TAGLN: variants seen among roughly 807,000 people sequenced by gnomAD.
TAGLN encodes the protein 22 kDa actin-binding protein.
In TAGLN, 16 loss-of-function variants were observed where a neutral mutation model predicts 21.9. That is an observed-to-expected ratio of 0.73 (90% CI 0.49 to 1.11). TAGLN has a LOEUF of 1.11. TAGLN is among the 50% of genes least tolerant of loss of function. The pLI is 0.00. For missense variants in TAGLN, 248 were observed against 263.2 expected, an observed-to-expected ratio of 0.94 and a Z score of 0.40; for synonymous variants, 96 against 94.9, an observed-to-expected ratio of 1.01 and a Z score of -0.06.
At position 117,205,774 on chromosome 11, in the gene TAGLN, T is replaced by C. The variant is rs1176192946; in HGVS notation, c.*1415T>C. On this transcript the variant is annotated 3_prime_UTR_variant, in exon 5 of 5. Transcript: ENST00000392951. ...GGCGCCAATCCCCTGTCCAACACCT[T>C]CTCACCAAAAGCTCCCGTTTGGCTG... 12 of 438,228 alleles carry C rather than the reference T, an allele frequency of 2.7e-5. No individual in the cohort carries two copies. Among genetic ancestry groups the C allele is most frequent in the Non-Finnish European group, 4.5e-5 (11 of 246,790 alleles). The allele number at this position is 438,228 out of a possible 1,614,324, so 27.1% of individuals were successfully genotyped here. A position where few individuals can be genotyped will look rare whatever the true frequency, so the allele number is the denominator to read the frequency against.
rs112388114 is a variant in TAGLN, at chr11:117,203,486, T to G, written c.358+2T>G. On this transcript the variant is annotated splice_donor_variant, in intron 3 of 4. Transcript: ENST00000392951. LOFTEE classifies it high-confidence loss of function. This position sits in a 1 kb window ranked among gnomAD's most constrained non-coding sequence, Gnocchi z 4.4. ...TCCAGACTGTTGACCTCTTTGAAGG[T>G]AGAGAGGAAGAGGCTGGGGGAGGAG... 6.2e-7 allele frequency: 1 copy of G among 1,612,438 alleles called. No individual in the cohort carries two copies. Among genetic ancestry groups the G allele is most frequent in the African/African-American group, 1.3e-5 (1 of 74,748 alleles).
rs1206375892 is a variant in TAGLN, at chr11:117,204,213, A to G, written c.462-2A>G. ...TCTTTATCCTGGTTCCTCCTCTTCT[A>G]GGAAAGCGCAGGAGCATAAGAGGGA... On this transcript the variant is annotated splice_acceptor_variant, in intron 4 of 4. Transcript: ENST00000392951. LOFTEE classifies it high-confidence loss of function. 6.2e-7 allele frequency: 1 copy of G among 1,614,164 alleles called. No homozygotes were observed. The highest frequency in any genetic ancestry group is 8.5e-7 in the Non-Finnish European group (1 of 1,179,998).
chr11:117,203,480 TG>T lies in TAGLN; in HGVS notation c.355del (p.Glu119LysfsTer12), dbSNP rs1472129703. ...TDMFQTVDLF[E>X]GKDMAAVQRT... ...ACATGTTCCAGACTGTTGACCTCTT[TG>T]AAGGTAGAGAGGAAGAGGCTGGGGG... On this transcript the variant is annotated frameshift_variant, in exon 3 of 5. Transcript: ENST00000392951. LOFTEE classifies it high-confidence loss of function. The surrounding 1 kb of genome is among the most constrained non-coding windows in gnomAD (Gnocchi z 4.4). 1 of 1,613,584 alleles carries T rather than the reference TG, an allele frequency of 6.2e-7. No homozygotes were observed.
chr11:117,203,734 T>C lies in TAGLN; in HGVS notation c.359-48T>C. 6.3e-7 allele frequency: 1 copy of C among 1,579,834 alleles called. No homozygotes were observed. Among genetic ancestry groups the C allele is most frequent in the East Asian group, 2.2e-5 (1 of 44,668 alleles). ...GGGGGCAGGCCCTGGCTTGGAGTCT[T>C]GTTTATACGTTCTTGATGTTCATCT... is the stretch of plus-strand genomic sequence containing the variant. On this transcript the variant is annotated intron_variant, in intron 3 of 4. Transcript: ENST00000392951. This position sits in a 1 kb window ranked among gnomAD's most constrained non-coding sequence, Gnocchi z 4.4.
At chr11:117,200,679 T>C (rs1052542380) in intron 1 of TAGLN, among the ~76,000 whole-genome samples, 17 of 152,076 alleles carry the variant, frequency 1.1e-4, no homozygotes, top group African/African-American at 3.4e-4. Flanking sequence ...TGGTGTGTGC[T>C]TCATCCCCCT....
chr11:117,204,332 C>T lies in TAGLN; in HGVS notation c.579C>T (p.Tyr193=), dbSNP rs11547377. ...CCTCCCAGGCCGGCATGACAGGCTA[C>T]GGACGACCTCGGCAGATCATCAGTT... is the stretch of plus-strand genomic sequence containing the variant. The part of the protein sequence containing the change: ...RGASQAGMTG[Y]GRPRQIIS Residue 193 remains tyrosine, a synonymous_variant, in exon 5 of 5, where the codon TAC becomes TAT. Coordinates refer to ENST00000392951, the MANE Select transcript of TAGLN (RefSeq NM_003186.5). The T allele has an allele frequency of 3.1e-3, 5,049 of 1,614,228 alleles. 87 individuals carry two copies. In the African/African-American group the frequency reaches 0.045, roughly 15 times the overall value.
Position 117,204,390 on chromosome 11 carries a change from T to G in TAGLN, c.*31T>G, listed in dbSNP as rs539235979. 16 of 1,613,840 alleles carry G rather than the reference T, an allele frequency of 9.9e-6. No homozygotes were observed. In the East Asian group the frequency reaches 3.3e-4, roughly 34 times the overall value. ...AGAGGGCTAGCCCTGAGCCCGGCCC[T>G]CCCCCAGCTCCTTGGCTGCAGCCAT... On this transcript the variant is annotated 3_prime_UTR_variant, in exon 5 of 5. Transcript: ENST00000392951.
At chr11:117,201,333 G>A (rs982381451) in intron 1 of TAGLN, 1 of 152,286 alleles carries the variant, frequency 6.6e-6, no homozygotes, top group South Asian at 2.1e-4. Context: ...GAGTCCGTGT[G>A]AACTCTGTTC....
At position 117,203,618 on chromosome 11, in the gene TAGLN, T is replaced by C. The variant is rs2031199113; in HGVS notation, c.358+134T>C. On this transcript the variant is annotated intron_variant, in intron 3 of 4. Coordinates refer to ENST00000392951, the MANE Select transcript of TAGLN (RefSeq NM_003186.5). This position sits in a 1 kb window ranked among gnomAD's most constrained non-coding sequence, Gnocchi z 4.4. Reference sequence around the variant, plus strand: ...CAGCAGGGATGGGATATGCCGAGAATAACACGCCACGCTCACAGGGCCCAC... The same window carrying C: ...CAGCAGGGATGGGATATGCCGAGAACAACACGCCACGCTCACAGGGCCCAC... 1 of 1,271,464 alleles carries C rather than the reference T, an allele frequency of 7.9e-7. No individual in the cohort carries two copies. The highest frequency in any genetic ancestry group is 2.5e-5 in the East Asian group (1 of 40,624). The allele number at this position is 1,271,464 out of a possible 1,614,324, so 78.8% of individuals were successfully genotyped here. A position where few individuals can be genotyped will look rare whatever the true frequency, so the allele number is the denominator to read the frequency against.
At chr11:117,202,656 A>G (rs2031146444) in intron 1 of TAGLN, 1 of 163,004 alleles carries the variant, frequency 6.1e-6, no homozygotes, top group African/African-American at 2.4e-5. Flanking sequence ...TTATTGGAAC[A>G]AAGCCATGTT....
At chr11:117,202,237 G>A (rs2031128031) in intron 1 of TAGLN, 1 of 152,274 alleles carries the variant, frequency 6.6e-6, no homozygotes, top group African/African-American at 2.4e-5. Flanking sequence ...TAGACCAGGT[G>A]TCTCTGATTT....
In TAGLN at chr11:117,204,609, T is replaced by C; in HGVS notation, c.*250T>C. 1 of 599,776 alleles carries C rather than the reference T, an allele frequency of 1.7e-6. No individual in the cohort carries two copies. Among genetic ancestry groups the C allele is most frequent in the East Asian group, 3.2e-5 (1 of 31,554 alleles). The allele number at this position is 599,776 out of a possible 1,614,324, so 37.2% of individuals were successfully genotyped here. A position where few individuals can be genotyped will look rare whatever the true frequency, so the allele number is the denominator to read the frequency against. On this transcript the variant is annotated 3_prime_UTR_variant, in exon 5 of 5. Transcript: ENST00000392951. ...GGCTGCCCCCATCACCTCTACTGTC[T>C]CCTCCCTGGGCTAAGCAGGGGAGAA...
rs577521682 is a variant in TAGLN at position 117,206,317 on chromosome 11, C to T, written c.*1958C>T. On this transcript the variant is annotated 3_prime_UTR_variant, in exon 5 of 5. Coordinates refer to ENST00000392951, the MANE Select transcript of TAGLN (RefSeq NM_003186.5). ...AAATATACTTCCAGCATGTAGTAAA[C>T]AGTCCAGAAGACGGTGAAACAGCCT... 5.0e-6 allele frequency: 8 copies of T among 1,613,756 alleles called. No individual in the cohort carries two copies. In the Admixed American group the frequency reaches 8.3e-5, roughly 17 times the overall value.
intron 4 of TAGLN, 39 bp from the exon 5 acceptor site, chr11:117,204,164 TGGAAAACACACA>T: frequency 6.2e-7 from 1 of 1,609,560 alleles, no homozygotes; most frequent in Non-Finnish European, 8.5e-7. Flanking sequence ...AGAAAACGGG[TGGAAAACACACA>T]GTTCTACCAA....
rs1468773560 is a variant in TAGLN at position 117,203,631 on chromosome 11, T to C, written c.358+147T>C. 5.6e-6 allele frequency: 7 copies of C among 1,251,546 alleles called. No individual in the cohort carries two copies. The highest frequency in any genetic ancestry group is 3.0e-5 in the African/African-American group (2 of 67,126). 77.5% of individuals were successfully genotyped at this position (1,251,546 alleles called of 1,614,324 possible). A position where few individuals can be genotyped will look rare whatever the true frequency, so the allele number is the denominator to read the frequency against. On this transcript the variant is annotated intron_variant, in intron 3 of 4. Transcript: ENST00000392951. The surrounding 1 kb of genome is among the most constrained non-coding windows in gnomAD (Gnocchi z 4.4). ...ATATGCCGAGAATAACACGCCACGC[T>C]CACAGGGCCCACTGAGAGGCCTCCC...
Position 117,204,536 on chromosome 11 carries a change from A to T in TAGLN, c.*177A>T, listed in dbSNP as rs1311767690. The T allele has an allele frequency of 1.0e-6, 1 of 964,892 alleles. No homozygotes were observed. Among genetic ancestry groups the T allele is most frequent in the African/African-American group, 1.6e-5 (1 of 62,118 alleles). 59.8% of individuals were successfully genotyped at this position (964,892 alleles called of 1,614,324 possible). A position where few individuals can be genotyped will look rare whatever the true frequency, so the allele number is the denominator to read the frequency against. Reference sequence around the variant, plus strand: ...AGCTCCTCCCTGTGCCCCCAGCCTCAGCCCAACTTCTTACCCGAAAGCATC... The same window carrying T: ...AGCTCCTCCCTGTGCCCCCAGCCTCTGCCCAACTTCTTACCCGAAAGCATC... On this transcript the variant is annotated 3_prime_UTR_variant, in exon 5 of 5. Transcript: ENST00000392951.
In TAGLN at chr11:117,203,709, G is replaced by T; in HGVS notation, c.359-73G>T. ...GTTTGGCCATTTTTTTGTGAGAGACGGGGGCAGGCCCTGGCTTGGAGTCTT... is the reference window on the plus strand; with the variant it reads ...GTTTGGCCATTTTTTTGTGAGAGACTGGGGCAGGCCCTGGCTTGGAGTCTT... On this transcript the variant is annotated intron_variant, in intron 3 of 4. Transcript: ENST00000392951. The surrounding 1 kb of genome is among the most constrained non-coding windows in gnomAD (Gnocchi z 4.4). 1 of 1,492,538 alleles carries T rather than the reference G, an allele frequency of 6.7e-7. No individual in the cohort carries two copies. 92.5% of individuals were successfully genotyped at this position (1,492,538 alleles called of 1,614,324 possible).
intron 4 of TAGLN, 141 bp from the exon 5 acceptor site, chr11:117,204,074 G>C: frequency 7.6e-7 from 1 of 1,316,330 alleles, no homozygotes; most frequent in South Asian, 1.4e-5. Context: ...AGTCTCCCTA[G>C]CCTATGAGGC....
Position 117,204,362 on chromosome 11 carries a change from CG to C in TAGLN, c.*5del, listed in dbSNP as rs376495659. On this transcript the variant is annotated 3_prime_UTR_variant, in exon 5 of 5. Coordinates refer to ENST00000392951, the MANE Select transcript of TAGLN (RefSeq NM_003186.5). ...GACCTCGGCAGATCATCAGTTAGAG[CG>C]GAGAGGGCTAGCCCTGAGCCCGGCC... 3.1e-5 allele frequency: 50 copies of C among 1,614,216 alleles called. No individual in the cohort carries two copies. The African/African-American group carries it at 6.1e-4, about 20-fold the overall frequency.
Sources: gnomAD v4.1 joint callset for allele counts (sites outside exome capture counted in the v4.1 genomes callset) on GRCh38, gnomAD v4.1.1 for gene constraint, Gnocchi (gnomAD v3.1) non-coding constraint, MANE v1.5 for transcripts, NCBI Gene and HGNC (gene_info 2026-07-23, HGNC 2026-07-21) for gene names.